THEMIS: variants seen among roughly 807,000 people sequenced by gnomAD.
The protein encoded by THEMIS is protein THEMIS.
In THEMIS, 37 loss-of-function variants were observed where a neutral mutation model predicts 52.6. The observed-to-expected ratio is 0.70, with a 90% confidence interval of 0.54 to 0.93. THEMIS has a LOEUF of 0.93. THEMIS is among the 40% of genes least tolerant of loss of function. The pLI is 0.00. For missense variants in THEMIS, 808 were observed against 763.1 expected, an observed-to-expected ratio of 1.06 and a Z score of -0.69; for synonymous variants, 292 against 272.7, an observed-to-expected ratio of 1.07 and a Z score of -0.70.
intron 5 of THEMIS, among the ~76,000 whole-genome samples, chr6:127,716,852 G>A (rs146442272): frequency 0.012 from 1,826 of 151,750 alleles, 14 homozygotes; most frequent in Non-Finnish European, 0.019. Flanking sequence ...AGAGCGTCAG[G>A]GCATCCATGT....
chr6:127,704,803 C>T (rs751075596), downstream of THEMIS, among the ~76,000 whole-genome samples: 1 of 152,168 alleles, frequency 6.6e-6, no homozygotes, highest in Non-Finnish European at 1.5e-5. Flanking sequence ...CATTGTTGTA[C>T]CTGCACTTTT....
chr6:127,746,394 C>G (rs1423461722), intron 4 of THEMIS, among the ~76,000 whole-genome samples: 1 of 151,580 alleles, frequency 6.6e-6, no homozygotes, highest in Non-Finnish European at 1.5e-5. Flanking sequence ...AGACACTGCT[C>G]TTTACTATAT....
intron 4 of THEMIS, among the ~76,000 whole-genome samples, chr6:127,776,617 C>A (rs1016626627): frequency 6.6e-6 from 1 of 152,222 alleles, no homozygotes; most frequent in African/African-American, 2.4e-5. Context: ...ATAGCTAGAA[C>A]CACCGAGTTA....
intron 3 of THEMIS, among the ~76,000 whole-genome samples, chr6:127,820,364 A>T (rs147787143): frequency 2.0e-5 from 3 of 152,226 alleles, no homozygotes; most frequent in African/African-American, 7.2e-5. Context: ...TATAATCCAG[A>T]TGGCAAGGAC....
At chr6:127,726,750 T>C (rs1774560600) in intron 4 of THEMIS, among the ~76,000 whole-genome samples, 1 of 152,128 alleles carries the variant, frequency 6.6e-6, no homozygotes, top group East Asian at 1.9e-4. Context: ...ATACTTTGAT[T>C]GAAATGAGTT....
chr6:127,864,496 C>A (rs540360866), intron 1 of THEMIS, among the ~76,000 whole-genome samples: 2 of 152,044 alleles, frequency 1.3e-5, no homozygotes, highest in Non-Finnish European at 2.9e-5. Flanking sequence ...GCCAGGGAAG[C>A]AGAGAGGTGA....
At chr6:127,788,513 A>C (rs1354200576) in intron 4 of THEMIS, among the ~76,000 whole-genome samples, 1 of 152,202 alleles carries the variant, frequency 6.6e-6, no homozygotes, top group Non-Finnish European at 1.5e-5. Context: ...ATTCATAATT[A>C]TTACCTTAAT....
intron 2 of THEMIS, among the ~76,000 whole-genome samples, chr6:127,847,521 A>G (rs1779260530): frequency 6.6e-6 from 1 of 151,952 alleles, no homozygotes; most frequent in Non-Finnish European, 1.5e-5. Flanking sequence ...TCAAGAACGC[A>G]ATCCCTTCAC....
At chr6:127,776,869 A>C (rs1776583496) in intron 4 of THEMIS, among the ~76,000 whole-genome samples, 1 of 152,194 alleles carries the variant, frequency 6.6e-6, no homozygotes, top group South Asian at 2.1e-4. Flanking sequence ...TACACATATA[A>C]GAAATGTGAT....
At chr6:127,910,972 A>G (rs139122458) in intron 1 of THEMIS, among the ~76,000 whole-genome samples, 1 of 152,090 alleles carries the variant, frequency 6.6e-6, no homozygotes, top group African/African-American at 2.4e-5. Context: ...AATTTGAGGG[A>G]TACTGGTTAG....
intron 3 of THEMIS, among the ~76,000 whole-genome samples, chr6:127,825,046 G>C (rs577670623): frequency 3.9e-5 from 6 of 152,110 alleles, no homozygotes; most frequent in African/African-American, 1.4e-4. Context: ...ATAACTCTTG[G>C]AAATTAAAAA....
At position 127,714,006 on chromosome 6, in the gene THEMIS, G is replaced by A. The variant is rs114711068; in HGVS notation, c.1895-3990C>T. On this transcript the variant is annotated intron_variant, in intron 5 of 5. Transcript: ENST00000368248. Reference sequence around the variant, plus strand: ...GATAGCAGCAGATAGCTTAGACTTGGTTGGTAGCAGTAGCCATGGAAAAAA... The same window carrying A: ...GATAGCAGCAGATAGCTTAGACTTGATTGGTAGCAGTAGCCATGGAAAAAA... Among the ~76,000 whole-genome samples the A allele has an allele frequency of 4.5e-3, 679 of 151,942 alleles. 4 individuals are homozygous for A. The highest frequency in any genetic ancestry group is 0.015 in the African/African-American group (636 of 41,492).
chr6:127,714,309 A>G lies in THEMIS; in HGVS notation c.1895-4293T>C, dbSNP rs1277444953. Among the ~76,000 whole-genome samples, 5 of 151,954 alleles carry G rather than the reference A, an allele frequency of 3.3e-5. No individual in the cohort carries two copies. The East Asian group carries it at 9.7e-4, about 29-fold the overall frequency. On this transcript the variant is annotated intron_variant, in intron 5 of 5. Transcript: ENST00000368248. ...TGATAGAACACTAAAGCAGTCATAG[A>G]CAATGTTTAAATAAGTGTAGATGTG...
chr6:127,852,482 A>T (rs993326143), intron 2 of THEMIS, among the ~76,000 whole-genome samples: 1 of 151,590 alleles, frequency 6.6e-6, no homozygotes, highest in Non-Finnish European at 1.5e-5. Context: ...TCCAAAAAAA[A>T]CAAGTCTCAA....
At chr6:127,838,261 C>T (rs537699341) in intron 2 of THEMIS, among the ~76,000 whole-genome samples, 1 of 152,160 alleles carries the variant, frequency 6.6e-6, no homozygotes, top group South Asian at 2.1e-4. Context: ...AAGAGTGACC[C>T]TTTGACAATA....
At chr6:127,818,676 C>T (rs1778219071) in intron 3 of THEMIS, among the ~76,000 whole-genome samples, 1 of 150,812 alleles carries the variant, frequency 6.6e-6, no homozygotes, top group Non-Finnish European at 1.5e-5. Context: ...AGATATAGCA[C>T]ATATTTGGGA....
intron 4 of THEMIS, among the ~76,000 whole-genome samples, chr6:127,720,444 T>G (rs1469397723): frequency 6.6e-6 from 1 of 151,948 alleles, no homozygotes; most frequent in African/African-American, 2.4e-5. Flanking sequence ...ACACACTGTA[T>G]GCTTCAAAGA....
intron 4 of THEMIS, among the ~76,000 whole-genome samples, chr6:127,727,039 T>A (rs914727564): frequency 6.6e-6 from 1 of 152,204 alleles, no homozygotes; most frequent in African/African-American, 2.4e-5. Flanking sequence ...TATTGGACAA[T>A]CATGCAAAAT....
chr6:127,854,127 T>C (rs760147735), intron 2 of THEMIS, among the ~76,000 whole-genome samples: 3 of 151,798 alleles, frequency 2.0e-5, no homozygotes, highest in African/African-American at 4.8e-5. Context: ...CAAAGTCACA[T>C]GTTCATATTT....
Sources: gnomAD v4.1 joint callset for allele counts (sites outside exome capture counted in the v4.1 genomes callset) on GRCh38, gnomAD v4.1.1 for gene constraint, MANE v1.5 for transcripts, NCBI Gene and HGNC (gene_info 2026-07-23, HGNC 2026-07-21) for gene names.